Variants in DNAJC2 observed in about 807,000 individuals in gnomAD.
DNAJC2 encodes DnaJ heat shock protein family (Hsp40) member C2.
Under a neutral mutation model 94.0 loss-of-function variants are expected in DNAJC2, and 32 were observed. The observed-to-expected ratio is 0.34, with a 90% CI of 0.26 to 0.46. The LOEUF (loss-of-function observed/expected upper bound fraction) is 0.46, where lower values mean the gene tolerates loss of function less well. DNAJC2 is among the 20% of genes least tolerant of loss of function. The pLI, the probability that DNAJC2 is intolerant of heterozygous loss-of-function variation, is 1.00. For missense variants in DNAJC2, 550 were observed against 719.5 expected, an observed-to-expected ratio of 0.76 and a Z score of 2.69; for synonymous variants, 210 against 229.7, an observed-to-expected ratio of 0.91 and a Z score of 0.77.
At chr7:103,341,724 CA>C in intron 2 of DNAJC2, 39 bp downstream of exon 2, 1 of 1,467,056 alleles carries the variant, frequency 6.8e-7, no homozygotes, top group Non-Finnish European at 9.1e-7. Context: ...CTATGTCTAA[CA>C]AAGCATCTGA....
chr7:103,313,302 TAAAATCTC>T (rs1817862314), intron 15 of DNAJC2: 1 of 1,323,560 alleles, frequency 7.6e-7, no homozygotes, highest in African/African-American at 1.5e-5. Context: ...TCCCAGAAAA[TAAAATCTC>T]AAAGGCTTTT....
chr7:103,327,632 C>G, intron 4 of DNAJC2, 24 bp downstream of exon 4: 1 of 1,444,192 alleles, frequency 6.9e-7, no homozygotes, highest in African/African-American at 1.4e-5. Flanking sequence ...ATTAGAAATT[C>G]CTGACTCTAA....
At chr7:103,312,711 G>T in intron 16 of DNAJC2, 68 bp from the exon 17 acceptor site, 2 of 1,589,468 alleles carry the variant, frequency 1.3e-6, no homozygotes, top group South Asian at 1.2e-5. Flanking sequence ...TCTAGTGTTT[G>T]GTGTAAAGAA....
intron 2 of DNAJC2, among the ~76,000 whole-genome samples, chr7:103,339,930 C>T (rs1388572751): frequency 6.6e-6 from 1 of 152,178 alleles, no homozygotes; most frequent in Non-Finnish European, 1.5e-5. Context: ...CCTCCACCTC[C>T]TGAGTTGAAG....
chr7:103,336,090 CT>C (rs1194236350), intron 3 of DNAJC2: 1 of 152,450 alleles, frequency 6.6e-6, no homozygotes, highest in Admixed American at 6.5e-5. Context: ...TCGCTTGAAC[CT>C]GGGAGGCGGA....
At chr7:103,323,114 G>A (rs1441255702) in intron 7 of DNAJC2, among the ~76,000 whole-genome samples, 1 of 152,218 alleles carries the variant, frequency 6.6e-6, no homozygotes, top group African/African-American at 2.4e-5. Context: ...ATTTTTAGTA[G>A]AGACAGGGTT....
chr7:103,320,760 C>T (rs199591230), intron 10 of DNAJC2: 34 of 89,280 alleles, frequency 3.8e-4, no homozygotes, highest in African/African-American at 8.1e-4. Context: ...TATATATATA[C>T]ACATATATAT....
intron 10 of DNAJC2, among the ~76,000 whole-genome samples, chr7:103,321,067 A>G (rs1818378562): frequency 2.0e-5 from 3 of 151,206 alleles, no homozygotes; most frequent in Admixed American, 1.3e-4. Flanking sequence ...GTGTGGTGGT[A>G]TGCACCTGTA....
chr7:103,330,872 A>G (rs543097562), intron 3 of DNAJC2, among the ~76,000 whole-genome samples: 3 of 151,164 alleles, frequency 2.0e-5, no homozygotes, highest in Non-Finnish European at 4.4e-5. Flanking sequence ...CTGCGCCACC[A>G]CGCCTGACCA....
intron 3 of DNAJC2, chr7:103,336,001 C>T (rs1819159102): frequency 6.6e-6 from 1 of 152,200 alleles, no homozygotes; most frequent in African/African-American, 2.4e-5. Flanking sequence ...AATCCCGTCT[C>T]TATGAAAAAT....
intron 7 of DNAJC2, among the ~76,000 whole-genome samples, chr7:103,323,306 A>G (rs1183009599): frequency 1.5e-5 from 2 of 131,542 alleles, no homozygotes; most frequent in African/African-American, 2.7e-5. Context: ...GCACACATAC[A>G]AAAAAAAAAT....
intron 3 of DNAJC2, among the ~76,000 whole-genome samples, chr7:103,333,465 G>T (rs1819049442): frequency 6.6e-6 from 1 of 152,142 alleles, no homozygotes; most frequent in African/African-American, 2.4e-5. Flanking sequence ...CAAGTGACTG[G>T]TATTTTTGGT....
At chr7:103,341,395 C>T (rs1211826271) in intron 2 of DNAJC2, among the ~76,000 whole-genome samples, 5 of 152,196 alleles carry the variant, frequency 3.3e-5, no homozygotes, top group Non-Finnish European at 5.9e-5. Context: ...CACCATACCG[C>T]ATGTACCCTA....
intron 5 of DNAJC2, among the ~76,000 whole-genome samples, chr7:103,326,003 T>A (rs1033294734): frequency 6.6e-6 from 1 of 152,146 alleles, no homozygotes. Context: ...AGCAAAATTT[T>A]TTTTTTTTGA....
chr7:103,317,116 T>A, intron 12 of DNAJC2, 102 bp from the exon 13 acceptor site: 1 of 1,038,788 alleles, frequency 9.6e-7, no homozygotes, highest in Non-Finnish European at 1.4e-6. Flanking sequence ...TCAATGTCAT[T>A]CTCACTCTGA....
chr7:103,326,408 A>G (rs1204084883), intron 5 of DNAJC2, 135 bp downstream of exon 5: 5 of 748,558 alleles, frequency 6.7e-6, no homozygotes, highest in Admixed American at 3.0e-5. Flanking sequence ...ATTGCAGAGA[A>G]GGAGGAGGAG....
At position 103,326,609 on chromosome 7, in the gene DNAJC2, G is replaced by C; in HGVS notation, c.506C>G (p.Pro169Arg). ...ATTATCCTTTGCTTCACTTTTAGAA[G>C]GAACTGAGTTATCAAAAGTAGGATC... Reference protein sequence around the residue: ...SVDPTFDNSVPSKSEAKDNFF... With the variant: ...SVDPTFDNSVRSKSEAKDNFF... Residue 169 changes from proline to arginine, a missense_variant, in exon 5 of 17, where the codon CCT (proline) becomes CGT (arginine). This residue lies in a region of DNAJC2 where 279 missense variants were observed against 416.9 expected (regional missense o/e 0.67). Coordinates refer to ENST00000379263, the MANE Select transcript of DNAJC2 (RefSeq NM_014377.3). 6.5e-7 allele frequency: 1 copy of C among 1,549,272 alleles called. No individual in the cohort carries two copies. The highest frequency in any genetic ancestry group is 8.7e-7 in the Non-Finnish European group (1 of 1,146,990).
At chr7:103,332,641 GA>G (rs1272944279) in intron 3 of DNAJC2, among the ~76,000 whole-genome samples, 1 of 151,446 alleles carries the variant, frequency 6.6e-6, no homozygotes, top group African/African-American at 2.4e-5. Context: ...TTTTGCGGGG[GA>G]GGGGATGGGG....
intron 15 of DNAJC2, chr7:103,314,266 T>G (rs1250779175): frequency 2.0e-6 from 2 of 985,328 alleles, no homozygotes; most frequent in Non-Finnish European, 2.4e-6. Context: ...CTCCAGTTAC[T>G]TCACAATACC....
Sources: gnomAD v4.1 joint callset for allele counts (sites outside exome capture counted in the v4.1 genomes callset) on GRCh38, gnomAD v4.1.1 for gene constraint, gnomAD v4.1.1 regional missense constraint, MANE v1.5 for transcripts, NCBI Gene and HGNC (gene_info 2026-07-23, HGNC 2026-07-21) for gene names.